The following PCDHGA2 variants were observed in gnomAD, a reference collection of about 807,000 sequenced individuals.
PCDHGA2 encodes the protein protocadherin gamma subfamily A, 2.
A neutral mutation model predicts 59.2 loss-of-function variants in PCDHGA2; 40 were observed. The ratio of observed to expected loss-of-function variants is 0.68; its 90% confidence interval spans 0.52 to 0.88. PCDHGA2 has a LOEUF of 0.88. Among genes scored for constraint, PCDHGA2 ranks in the 40% least tolerant of loss-of-function variants. PCDHGA2 has a pLI of 0.00. For synonymous variants in PCDHGA2, 560 were observed against 526.0 expected (o/e 1.06, Z -0.89); for missense variants, 1,226 against 1,204.0 (o/e 1.02, Z -0.27).
intron 1 of PCDHGA2, among the ~76,000 whole-genome samples, chr5:141,457,319 G>A (rs914658873): frequency 7.9e-5 from 12 of 152,086 alleles, no homozygotes; most frequent in East Asian, 3.8e-4. Flanking sequence ...AGAAACCTCC[G>A]GGTTACAGGT....
intron 1 of PCDHGA2, among the ~76,000 whole-genome samples, chr5:141,381,953 C>T (rs1588910432): frequency 1.3e-5 from 2 of 151,114 alleles, no homozygotes; most frequent in South Asian, 2.1e-4. Context: ...CCTCAGCCTC[C>T]TGAGTAGCTG....
chr5:141,408,249 T>A, intron 1 of PCDHGA2: 1 of 1,589,992 alleles, frequency 6.3e-7, no homozygotes, highest in Non-Finnish European at 8.6e-7. Flanking sequence ...CCGCGGCAGG[T>A]GCTATTTCCT....
In PCDHGA2 at chr5:141,485,804, G is replaced by C; in HGVS notation, c.2425-9003G>C. 6.2e-7 allele frequency: 1 copy of C among 1,614,218 alleles called. No homozygotes were observed. The highest frequency in any genetic ancestry group is 1.3e-5 in the African/African-American group (1 of 75,060). The stretch of plus-strand genomic sequence containing the variant: ...AGAGAAGCAATCGGACTACCGCCTG[G>C]TGCTGACTGCTGTCGATGGAGGGAA... On this transcript the variant is annotated intron_variant, in intron 1 of 3. Coordinates refer to ENST00000394576, the MANE Select transcript of PCDHGA2 (RefSeq NM_018915.4). This position sits in a 1 kb window ranked among gnomAD's most constrained non-coding sequence, Gnocchi z 5.7.
In PCDHGA2 at chr5:141,512,501, G is replaced by A. The variant is rs1474842711; in HGVS notation, c.*1328G>A. The A allele has an allele frequency of 6.5e-6, 1 of 152,914 alleles. No homozygotes were observed. The highest frequency in any genetic ancestry group is 1.5e-5 in the Non-Finnish European group (1 of 68,258). The allele number at this position is 152,914 out of a possible 1,614,324, so 9.5% of individuals were successfully genotyped here. On this transcript the variant is annotated 3_prime_UTR_variant, in exon 4 of 4. Transcript: ENST00000394576. The stretch of plus-strand genomic sequence containing the variant: ...GAAGGCCACTGCCCAGGTCCCCAGT[G>A]CGCCCCCTAGTGGCCATAGCCTGGT...
chr5:141,413,322 G>A, intron 1 of PCDHGA2: 2 of 1,613,940 alleles, frequency 1.2e-6, no homozygotes, highest in Non-Finnish European at 1.7e-6. Flanking sequence ...GCTCTTTCGT[G>A]GGCAACATCT....
intron 1 of PCDHGA2, among the ~76,000 whole-genome samples, chr5:141,447,600 T>G (rs769487703): frequency 6.6e-6 from 1 of 151,992 alleles, no homozygotes; most frequent in Non-Finnish European, 1.5e-5. Flanking sequence ...TCCTATAGAG[T>G]CCTTAGCATT....
At chr5:141,379,593 AC>A (rs1775703652) in intron 1 of PCDHGA2, 1 of 152,152 alleles carries the variant, frequency 6.6e-6, no homozygotes, top group Non-Finnish European at 1.5e-5. Flanking sequence ...TTCTCTTATT[AC>A]CTGTGACCAT....
rs779651957 is a variant in PCDHGA2, at chr5:141,431,167, T to G, written c.2425-63640T>G. 2 of 1,614,118 alleles carry G rather than the reference T, an allele frequency of 1.2e-6. No individual in the cohort carries two copies. Among genetic ancestry groups the G allele is most frequent in the Non-Finnish European group, 1.7e-6 (2 of 1,180,014 alleles). The stretch of plus-strand genomic sequence containing the variant: ...ACAATGCGCCTTACTTTCGTGAAAG[T>G]GAATTAGAAATAAAAATTAGTGAAA... On this transcript the variant is annotated intron_variant, in intron 1 of 3. Transcript: ENST00000394576. The surrounding 1 kb of genome is among the most constrained non-coding windows in gnomAD (Gnocchi z 4.8).
chr5:141,389,303 G>C, intron 1 of PCDHGA2: 3 of 1,614,000 alleles, frequency 1.9e-6, no homozygotes, highest in Non-Finnish European at 2.5e-6. Flanking sequence ...CACAAGTCAG[G>C]GCTTCTGATC....
At chr5:141,366,444 T>C (rs1255938272) in intron 1 of PCDHGA2, 2 of 1,614,214 alleles carry the variant, frequency 1.2e-6, no homozygotes, top group Non-Finnish European at 1.7e-6. Flanking sequence ...TGCGTCTTCC[T>C]GGCCTTCGTC....
Position 141,366,720 on chromosome 5 carries a change from T to C in PCDHGA2, c.2424+25325T>C, listed in dbSNP as rs1471976896. 1.2e-6 allele frequency: 2 copies of C among 1,613,598 alleles called. No individual in the cohort carries two copies. Among genetic ancestry groups the C allele is most frequent in the East Asian group, 4.5e-5 (2 of 44,886 alleles). On this transcript the variant is annotated intron_variant, in intron 1 of 3. Transcript: ENST00000394576. ...GAGCCTCTTCTGATGTCTGATAAGG[T>C]AGATGCAAACAAAGAAGAACGGCGA... is the stretch of plus-strand genomic sequence containing the variant.
At chr5:141,364,106 G>A (rs1763173743) in intron 1 of PCDHGA2, 1 of 439,014 alleles carries the variant, frequency 2.3e-6, no homozygotes, top group African/African-American at 2.0e-5. Context: ...GCAGTCACTG[G>A]TTAGGACTCT....
chr5:141,383,228 T>C (rs1778950138), intron 1 of PCDHGA2: 1 of 1,613,936 alleles, frequency 6.2e-7, no homozygotes, highest in Non-Finnish European at 8.5e-7. Context: ...AACATCCTGA[T>C]GGAAGATAAA....
intron 1 of PCDHGA2, chr5:141,417,591 C>T (rs1287721863): frequency 2.1e-6 from 1 of 484,478 alleles, no homozygotes; most frequent in East Asian, 3.4e-5. Context: ...CACAGAGCCT[C>T]TGGGCGCCGC....
In PCDHGA2 at chr5:141,428,115, G is replaced by T. The variant is rs753384738; in HGVS notation, c.2425-66692G>T. 5 of 1,607,062 alleles carry T rather than the reference G, an allele frequency of 3.1e-6. No homozygotes were observed. In the South Asian group the frequency reaches 5.5e-5, roughly 18 times the overall value. On this transcript the variant is annotated intron_variant, in intron 1 of 3. Coordinates refer to ENST00000394576, the MANE Select transcript of PCDHGA2 (RefSeq NM_018915.4). ...GTCCTACCACGTGCTGCAGGCCATC[G>T]AGCCCGGGCTTTTCAGCCTGGGGCT...
chr5:141,497,110 C>T (rs964183820), intron 2 of PCDHGA2, among the ~76,000 whole-genome samples: 2 of 151,738 alleles, frequency 1.3e-5, no homozygotes, highest in African/African-American at 2.4e-5. Context: ...TGCTTGAACC[C>T]GGAAGGCAGA....
At chr5:141,364,941 A>C in intron 1 of PCDHGA2, 1 of 1,613,952 alleles carries the variant, frequency 6.2e-7, no homozygotes, top group Non-Finnish European at 8.5e-7. Flanking sequence ...GACCGCGAGA[A>C]AGAGACTGTT....
intron 3 of PCDHGA2, among the ~76,000 whole-genome samples, chr5:141,508,848 TC>T (rs1390332366): frequency 6.6e-5 from 10 of 151,752 alleles, no homozygotes. Context: ...CCCCTTCCAT[TC>T]CCAGGCTGGG....
At chr5:141,444,152 A>ATTTTT (rs747671382) in intron 1 of PCDHGA2, among the ~76,000 whole-genome samples, 10 of 33,898 alleles carry the variant, frequency 3.0e-4, no homozygotes, top group Middle Eastern at 0.019. Context: ...TGTGTACTGG[A>ATTTTT]TTTTTTTTTT....
Sources: gnomAD v4.1 joint callset for allele counts (sites outside exome capture counted in the v4.1 genomes callset) on GRCh38, gnomAD v4.1.1 for gene constraint, Gnocchi (gnomAD v3.1) non-coding constraint, MANE v1.5 for transcripts, NCBI Gene and HGNC (gene_info 2026-07-23, HGNC 2026-07-21) for gene names.